The following PDE1A variants were observed in gnomAD, a reference collection of about 807,000 sequenced individuals.
PDE1A encodes phosphodiesterase 1A.
PDE1A carries 35 observed loss-of-function variants against 61.7 expected under a neutral mutation model. The ratio of observed to expected loss-of-function variants is 0.57; its 90% CI spans 0.43 to 0.75. PDE1A has a LOEUF of 0.75. PDE1A is among the 30% of genes least tolerant of loss of function. PDE1A has a pLI of 0.00. For synonymous variants in PDE1A, 232 were observed against 213.2 expected, an observed-to-expected ratio of 1.09 and a Z score of -0.77; for missense variants, 597 against 630.6, an observed-to-expected ratio of 0.95 and a Z score of 0.57.
intron 2 of PDE1A, among the ~76,000 whole-genome samples, chr2:182,518,860 C>T (rs55672010): frequency 0.066 from 10,026 of 152,086 alleles, 353 homozygotes; most frequent in Middle Eastern, 0.1. Context: ...TCTGAAAATG[C>T]TGTCACCTCT....
chr2:182,635,462 A>G, the PDE1A span, among the ~76,000 whole-genome samples: 1 of 152,266 alleles, frequency 6.6e-6, no homozygotes. Context: ...CAAAATTAGT[A>G]CATAGAATAC....
At position 182,303,913 on chromosome 2, in the gene PDE1A, T is replaced by TTTGTTTG. The variant is rs374940983; in HGVS notation, c.54-39500_54-39499insCAAACAA. Among the ~76,000 whole-genome samples the TTTGTTTG allele has an allele frequency of 9.7e-3, 1,465 of 151,698 alleles. 17 individuals are homozygous for TTTGTTTG. Among genetic ancestry groups the TTTGTTTG allele is most frequent in the African/African-American group, 0.03 (1,227 of 41,268 alleles). On this transcript the variant is annotated intron_variant, in intron 1 of 13. Transcript: ENST00000351439. ...TTTCTGTTTGTTTGTTTGTTTGTTTTTTTGTTGAGATGGAGTCTCGCTGTG... is the reference window on the plus strand; with the variant it reads ...TTTCTGTTTGTTTGTTTGTTTGTTTTTTGTTTGTTTGTTGAGATGGAGTCTCGCTGTG...
At chr2:182,669,925 C>T in the PDE1A span, among the ~76,000 whole-genome samples, 1 of 152,242 alleles carries the variant, frequency 6.6e-6, no homozygotes, top group South Asian at 2.1e-4. Context: ...CGGAGCATCC[C>T]ATGGGAACAT....
At chr2:182,188,757 C>T (rs3769797) in intron 11 of PDE1A, among the ~76,000 whole-genome samples, 30,633 of 152,104 alleles carry the variant, frequency 0.2, 3,289 homozygotes, top group East Asian at 0.31. Context: ...ATTACAACCA[C>T]GATAACAATT....
At chr2:182,387,926 T>C (rs1011485915) in intron 1 of PDE1A, among the ~76,000 whole-genome samples, 7 of 152,168 alleles carry the variant, frequency 4.6e-5, no homozygotes, top group Non-Finnish European at 1.0e-4. Flanking sequence ...CCCAAGTATA[T>C]GCTGCCTACC....
intron 1 of PDE1A, among the ~76,000 whole-genome samples, chr2:182,332,249 T>G (rs1697463477): frequency 6.6e-6 from 1 of 152,216 alleles, no homozygotes; most frequent in African/African-American, 2.4e-5. Flanking sequence ...TAGCAATTCC[T>G]CTAACCTTTT....
chr2:182,444,766 T>C (rs957099348), intron 2 of PDE1A, among the ~76,000 whole-genome samples: 1 of 152,120 alleles, frequency 6.6e-6, no homozygotes, highest in African/African-American at 2.4e-5. Context: ...TCGTCATCTA[T>C]CCACACTTAC....
intron 2 of PDE1A, among the ~76,000 whole-genome samples, chr2:182,493,530 T>C (rs1303013559): frequency 1.3e-5 from 2 of 152,132 alleles, no homozygotes; most frequent in Non-Finnish European, 2.9e-5. Flanking sequence ...GAACATGCAG[T>C]GTTAGAACTA....
intron 2 of PDE1A, among the ~76,000 whole-genome samples, chr2:182,470,850 A>G (rs865967064): frequency 1.3e-5 from 2 of 151,940 alleles, no homozygotes; most frequent in Admixed American, 6.6e-5. Flanking sequence ...ATTAGGCTCA[A>G]TCCAGTGGGA....
downstream of PDE1A, among the ~76,000 whole-genome samples, chr2:182,146,849 C>A (rs573107180): frequency 2.0e-5 from 3 of 152,000 alleles, no homozygotes; most frequent in South Asian, 6.3e-4. Context: ...TGTTGATTAA[C>A]AAATTAAGAA....
chr2:182,578,141 A>G, the PDE1A span, among the ~76,000 whole-genome samples: 2 of 152,236 alleles, frequency 1.3e-5, no homozygotes, highest in Non-Finnish European at 2.9e-5. Context: ...CGAAGTCATG[A>G]GCCAGCCTAA....
intron 1 of PDE1A, among the ~76,000 whole-genome samples, chr2:182,274,174 C>T (rs1392865810): frequency 1.3e-5 from 2 of 152,066 alleles, no homozygotes; most frequent in Non-Finnish European, 2.9e-5. Context: ...GCCCAACCTC[C>T]TACCGTCACC....
At chr2:182,562,321 T>C in the PDE1A span, among the ~76,000 whole-genome samples, 2 of 150,056 alleles carry the variant, frequency 1.3e-5, no homozygotes, top group African/African-American at 4.9e-5. Context: ...ATCATGTGGT[T>C]TTTGTCTTTG....
At chr2:182,245,722 T>C (rs1294327324) in intron 2 of PDE1A, among the ~76,000 whole-genome samples, 1 of 152,214 alleles carries the variant, frequency 6.6e-6, no homozygotes, top group Non-Finnish European at 1.5e-5. Flanking sequence ...TATTCTATTG[T>C]GTGCATAGAT....
At chr2:182,202,330 G>T (rs6706326) in intron 8 of PDE1A, among the ~76,000 whole-genome samples, 111,529 of 152,036 alleles carry the variant, frequency 0.73, 41,106 homozygotes, top group East Asian at 0.91. Context: ...TAATCAAAAC[G>T]ACTACTATTA....
chr2:182,336,891 T>C (rs1378604709), intron 1 of PDE1A, among the ~76,000 whole-genome samples: 1 of 150,708 alleles, frequency 6.6e-6, no homozygotes, highest in South Asian at 2.1e-4. Flanking sequence ...GATGGATCAA[T>C]AGGTGCAGCA....
chr2:182,392,349 C>T (rs1247431227), intron 1 of PDE1A, among the ~76,000 whole-genome samples: 1 of 152,158 alleles, frequency 6.6e-6, no homozygotes, highest in African/African-American at 2.4e-5. Context: ...ATCACAAGAA[C>T]AGCACGTGAA....
In PDE1A at chr2:182,394,938, C is replaced by T. The variant is rs377236117; in HGVS notation, c.53+31640G>A. 1.2e-4 allele frequency among the ~76,000 whole-genome samples: 19 copies of T among 152,232 alleles called. No individual in the cohort carries two copies. In the East Asian group the frequency reaches 2.5e-3, roughly 20 times the overall value. ...GTGCCACCATCAAGGACTTGAAAGA[C>T]GCAGGGGTGGTGATTTCCATAACAT... On this transcript the variant is annotated intron_variant, in intron 1 of 13. Coordinates refer to ENST00000351439, the Ensembl canonical transcript of PDE1A.
the PDE1A span, among the ~76,000 whole-genome samples, chr2:182,558,083 A>T: frequency 6.6e-6 from 1 of 152,174 alleles, no homozygotes; most frequent in Non-Finnish European, 1.5e-5. Flanking sequence ...TAACAGTTTG[A>T]GTTGAAAATA....
Sources: gnomAD v4.1 joint callset for allele counts (sites outside exome capture counted in the v4.1 genomes callset) on GRCh38, gnomAD v4.1.1 for gene constraint, MANE v1.5 for transcripts, NCBI Gene and HGNC (gene_info 2026-07-23, HGNC 2026-07-21) for gene names.